The following NCKAP1 variants were observed in gnomAD, a reference collection of about 807,000 sequenced individuals.
NCKAP1 encodes nck-associated protein 1.
A neutral mutation model predicts 151.2 loss-of-function variants in NCKAP1; 21 were observed. The ratio of observed to expected loss-of-function variants is 0.14; its 90% CI spans 0.10 to 0.20. The LOEUF (loss-of-function observed/expected upper bound fraction) is 0.20, where lower values mean the gene tolerates loss of function less well. Among genes scored for constraint, NCKAP1 ranks in the 10% least tolerant of loss-of-function variants. The pLI, the probability that NCKAP1 is intolerant of heterozygous loss-of-function variation, is 1.00. For synonymous variants in NCKAP1, 484 were observed against 451.8 expected (o/e 1.07, Z -0.90); for missense variants, 933 against 1,352.1 (o/e 0.69, Z 4.86).
chr2:182,976,866 A>G, intron 15 of NCKAP1, 27 bp downstream of exon 15: 1 of 1,407,800 alleles, frequency 7.1e-7, no homozygotes, highest in Non-Finnish European at 9.5e-7. Context: ...ATAACAAAAC[A>G]GAATGACAAT....
chr2:182,934,498 T>C, intron 26 of NCKAP1: 2 of 234,714 alleles, frequency 8.5e-6, no homozygotes, highest in South Asian at 9.3e-5. Flanking sequence ...GCTATCCATT[T>C]AAGGAAAAAA....
chr2:182,988,026 A>G (rs1318350105), intron 9 of NCKAP1, among the ~76,000 whole-genome samples: 1 of 152,196 alleles, frequency 6.6e-6, no homozygotes, highest in Non-Finnish European at 1.5e-5. Flanking sequence ...TGAGTTATAC[A>G]GCTAAGATGT....
At chr2:182,982,994 T>C in intron 11 of NCKAP1, 67 bp from the exon 12 acceptor site, 1 of 1,203,918 alleles carries the variant, frequency 8.3e-7, no homozygotes, top group Admixed American at 2.5e-5. Flanking sequence ...AATCTCTTTC[T>C]ATGTGAAAAG....
intron 6 of NCKAP1, among the ~76,000 whole-genome samples, chr2:183,000,971 T>C (rs1337336106): frequency 6.6e-6 from 1 of 152,140 alleles, no homozygotes; most frequent in East Asian, 1.9e-4. Context: ...AGTGCATGCC[T>C]GTAATCCCAG....
At chr2:182,942,746 T>C (rs1480437862) in intron 23 of NCKAP1, among the ~76,000 whole-genome samples, 2 of 151,874 alleles carry the variant, frequency 1.3e-5, no homozygotes, top group Non-Finnish European at 2.9e-5. Context: ...AAGGAAGAGA[T>C]ATAAATAAGG....
chr2:182,992,703 A>G (rs1352063193), intron 8 of NCKAP1, among the ~76,000 whole-genome samples: 1 of 152,198 alleles, frequency 6.6e-6, no homozygotes, highest in East Asian at 1.9e-4. Context: ...AATTAATAAA[A>G]ATAGCTACGG....
At chr2:182,946,355 A>C (rs937989488) in intron 23 of NCKAP1, among the ~76,000 whole-genome samples, 2 of 151,938 alleles carry the variant, frequency 1.3e-5, no homozygotes, top group African/African-American at 4.8e-5. Context: ...AGCCGAGATC[A>C]CGCCACTGCA....
intron 2 of NCKAP1, among the ~76,000 whole-genome samples, chr2:183,007,769 T>G (rs1698507686): frequency 6.6e-6 from 1 of 152,240 alleles, no homozygotes. Flanking sequence ...ACTGAGATGC[T>G]ATTTGGGTAA....
rs1696465685 is a variant in NCKAP1, at chr2:182,916,190, A to AAAAAAAAAGTTAT, written c.*9511_*9512insATAACTTTTTTTT. The AAAAAAAAAGTTAT allele has an allele frequency of 6.6e-6, 1 of 151,414 alleles. No homozygotes were observed. The highest frequency in any genetic ancestry group is 1.5e-5 in the Non-Finnish European group (1 of 67,918). The allele number at this position is 151,414 out of a possible 1,614,324, so 9.4% of individuals were successfully genotyped here. On this transcript the variant is annotated 3_prime_UTR_variant, in exon 31 of 31. Transcript: ENST00000361354. ...CTGTCAAAAAAAAAAAAAAAAAAAAAACATGTCTCTGTGTCATCACTGAGC... is the reference window on the plus strand; with the variant it reads ...CTGTCAAAAAAAAAAAAAAAAAAAAAAAAAAAAAGTTATACATGTCTCTGTGTCATCACTGAGC...
chr2:182,916,977 A>C lies in NCKAP1; in HGVS notation c.*8725T>G, dbSNP rs1326129598. ...AAGTTCTGATATTATAATACTCATA[A>C]AAGCCATGAAAAAACTCTTTGAAGG... On this transcript the variant is annotated 3_prime_UTR_variant, in exon 31 of 31. Coordinates refer to ENST00000361354, the MANE Select transcript of NCKAP1 (RefSeq NM_013436.5). 6.6e-6 allele frequency: 1 copy of C among 152,192 alleles called. No homozygotes were observed. The highest frequency in any genetic ancestry group is 1.5e-5 in the Non-Finnish European group (1 of 68,018). The allele number at this position is 152,192 out of a possible 1,614,324, so 9.4% of individuals were successfully genotyped here.
intron 1 of NCKAP1, among the ~76,000 whole-genome samples, chr2:183,028,254 T>C (rs1292662436): frequency 6.6e-6 from 1 of 151,950 alleles, no homozygotes; most frequent in African/African-American, 2.4e-5. Flanking sequence ...AAACTATGCA[T>C]AAAGTACAGA....
chr2:182,974,259 TAAA>T (rs1173365320), intron 15 of NCKAP1, among the ~76,000 whole-genome samples: 46 of 63,254 alleles, frequency 7.3e-4, no homozygotes, highest in Non-Finnish European at 1.3e-3. Context: ...CTGTTGTCAC[TAAA>T]AAAAAAAAAA....
At chr2:182,981,666 TG>T (rs1462512156) in intron 12 of NCKAP1, among the ~76,000 whole-genome samples, 3 of 152,042 alleles carry the variant, frequency 2.0e-5, no homozygotes, top group African/African-American at 7.2e-5. Flanking sequence ...TACAGCACTT[TG>T]GGAGGCCAAA....
intron 14 of NCKAP1, among the ~76,000 whole-genome samples, chr2:182,977,637 A>G (rs1169735327): frequency 6.6e-6 from 1 of 152,204 alleles, no homozygotes; most frequent in Non-Finnish European, 1.5e-5. Context: ...GATTCCACTT[A>G]TATGAGGTAT....
chr2:182,938,760 A>G (rs528728844), intron 24 of NCKAP1, among the ~76,000 whole-genome samples: 10 of 152,344 alleles, frequency 6.6e-5, no homozygotes, highest in African/African-American at 2.4e-4. Flanking sequence ...GTATGACAGC[A>G]TAAGGGAGAA....
chr2:182,952,698 A>G, intron 22 of NCKAP1, 95 bp downstream of exon 22: 1 of 1,332,944 alleles, frequency 7.5e-7, no homozygotes, highest in Non-Finnish European at 1.0e-6. Context: ...ATTGAATGAA[A>G]TAGTCACAAC....
chr2:182,971,456 A>T (rs972801453), intron 15 of NCKAP1, among the ~76,000 whole-genome samples: 1 of 151,958 alleles, frequency 6.6e-6, no homozygotes, highest in Non-Finnish European at 1.5e-5. Context: ...TGATATTGCT[A>T]AACATACCAC....
In NCKAP1 at chr2:182,913,058, T is replaced by C. The variant is rs1696420085; in HGVS notation, c.*12644A>G. The C allele has an allele frequency of 6.6e-6, 1 of 152,224 alleles. No individual in the cohort carries two copies. Among genetic ancestry groups the C allele is most frequent in the Admixed American group, 6.5e-5 (1 of 15,268 alleles). 9.4% of individuals were successfully genotyped at this position (152,224 alleles called of 1,614,324 possible). On this transcript the variant is annotated 3_prime_UTR_variant, in exon 31 of 31. Coordinates refer to ENST00000361354, the MANE Select transcript of NCKAP1 (RefSeq NM_013436.5). ...TACCATGTTGAATAGTTGTTATTTG[T>C]TTTACTGTCTGCCTCCTTCATCAGA...
rs763785272 is a variant in NCKAP1, at chr2:182,964,664, C to T, written c.1761+12G>A. On this transcript the variant is annotated intron_variant, in intron 17 of 30. Transcript: ENST00000361354. The stretch of plus-strand genomic sequence containing the variant: ...GCATACCATATAACTCACAGTAGTA[C>T]ACTATAATTACCTCTTCTGGACATA... 32 of 1,579,298 alleles carry T rather than the reference C, an allele frequency of 2.0e-5. No homozygotes were observed. The Middle Eastern group carries it at 6.7e-4, about 33-fold the overall frequency.
Sources: gnomAD v4.1 joint callset for allele counts (sites outside exome capture counted in the v4.1 genomes callset) on GRCh38, gnomAD v4.1.1 for gene constraint, MANE v1.5 for transcripts, NCBI Gene and HGNC (gene_info 2026-07-23, HGNC 2026-07-21) for gene names.